Variants in POLE observed in about 807,000 individuals in gnomAD.
POLE encodes the protein DNA polymerase epsilon catalytic subunit A.
POLE carries 188 observed loss-of-function variants against 279.2 expected under a neutral mutation model. That is an observed-to-expected ratio of 0.67 (90% confidence interval 0.60 to 0.76). The LOEUF (loss-of-function observed/expected upper bound fraction) is 0.76. Ranked by LOEUF, POLE falls within the 30% of genes least tolerant of loss-of-function variation. The pLI is 0.00. For missense variants in POLE, 2,703 were observed against 3,016.7 expected (o/e 0.90, Z 2.44); for synonymous variants, 1,214 against 1,172.5 (o/e 1.04, Z -0.72).
chr12:132,635,603 G>A (rs552470346), intron 42 of POLE, among the ~76,000 whole-genome samples: 2 of 152,342 alleles, frequency 1.3e-5, no homozygotes, highest in African/African-American at 2.4e-5. Context: ...CCTTATGCTC[G>A]CACAACTATG....
chr12:132,686,003 G>T (rs545913164), intron 1 of POLE, among the ~76,000 whole-genome samples: 1 of 151,786 alleles, frequency 6.6e-6, no homozygotes, highest in Non-Finnish European at 1.5e-5. Context: ...AGCCTCCTGC[G>T]TAGCTGGGAT....
chr12:132,624,462 C>A lies in POLE; in HGVS notation c.*235G>T. The A allele has an allele frequency of 1.7e-6, 1 of 584,138 alleles. No individual in the cohort carries two copies. The highest frequency in any genetic ancestry group is 2.8e-5 in the East Asian group (1 of 35,286). The allele number at this position is 584,138 out of a possible 1,614,324, so 36.2% of individuals were successfully genotyped here. A position where few individuals can be genotyped will look rare whatever the true frequency, so the allele number is the denominator to read the frequency against. On this transcript the variant is annotated 3_prime_UTR_variant, in exon 49 of 49. Coordinates refer to ENST00000320574, the MANE Select transcript of POLE (RefSeq NM_006231.4). Reference sequence around the variant, plus strand: ...AGGGCACTCGCAGCCTCGCTCACGGCCTGCTTCTTCAGGTGCTCTGGCGAG... The same window carrying A: ...AGGGCACTCGCAGCCTCGCTCACGGACTGCTTCTTCAGGTGCTCTGGCGAG...
rs991583405 is a variant in POLE, at chr12:132,668,645, C to T, written c.2016G>A (p.Arg672=). The change falls in exon 18 of 49, where the codon AGG becomes AGA. Residue 672 remains arginine (R), a synonymous_variant. Coordinates refer to ENST00000320574, the MANE Select transcript of POLE (RefSeq NM_006231.4). This position sits in a 1 kb window ranked among gnomAD's most constrained non-coding sequence, Gnocchi z 4.0. ...NCQRKMAWQW[R]GEFMPASRSE... Reference sequence around the variant, plus strand: ...GCGGCCGACACTCACTGAACTCGCCCCTCCACTGCCAGGCCATCTTCCGCT... The same window carrying T: ...GCGGCCGACACTCACTGAACTCGCCTCTCCACTGCCAGGCCATCTTCCGCT... The T allele has an allele frequency of 1.2e-5, 20 of 1,612,560 alleles. No homozygotes were observed. The highest frequency in any genetic ancestry group is 1.5e-5 in the Non-Finnish European group (18 of 1,178,694).
Position 132,626,260 on chromosome 12 carries a change from G to A in POLE, c.6388C>T (p.Leu2130Phe), listed in dbSNP as rs1223862757. Residue 2130 changes from leucine to phenylalanine, a missense_variant, in exon 46 of 49, where the codon CTT (leucine) becomes TTT (phenylalanine). Leu to Phe is a conservative substitution (Grantham distance 22, BLOSUM62 0). This residue lies in a region of POLE where 1,551 missense variants were observed against 1,686.1 expected (regional missense o/e 0.92). Transcript: ENST00000320574. ...AACTCGCCGACATCCACCAGGCGAA[G>A]CAGGTCTCGGTTCAGCTTATTCACC... is the stretch of plus-strand genomic sequence containing the variant. ...NQVNKLNRDL[L>F]RLVDVGEFSE... The A allele has an allele frequency of 6.2e-7, 1 of 1,613,940 alleles. No individual in the cohort carries two copies.
chr12:132,650,220 C>T, intron 29 of POLE: 1 of 297,174 alleles, frequency 3.4e-6, no homozygotes, highest in Non-Finnish European at 6.4e-6. Flanking sequence ...AACAAGCAAA[C>T]AAAAATCTCA....
intron 16 of POLE, among the ~76,000 whole-genome samples, chr12:132,670,749 A>G (rs2042909797): frequency 6.6e-6 from 1 of 151,020 alleles, no homozygotes; most frequent in Non-Finnish European, 1.5e-5. Flanking sequence ...TCGGCCTCCC[A>G]AAGTGCTGGA....
chr12:132,668,334 G>A lies in POLE; in HGVS notation c.2173+22C>T, dbSNP rs774026882. ...GAGCAGGAGCCACATCTTTACAGCC[G>A]TGACCATGCCCAGGCACTCACCCGC... On this transcript the variant is annotated intron_variant, in intron 19 of 48. Transcript: ENST00000320574. This position sits in a 1 kb window ranked among gnomAD's most constrained non-coding sequence, Gnocchi z 4.0. The A allele has an allele frequency of 2.2e-5, 34 of 1,545,410 alleles. No individual in the cohort carries two copies. The highest frequency in any genetic ancestry group is 2.0e-4 in the Middle Eastern group (1 of 4,984).
intron 35 of POLE, 82 bp downstream of exon 35, chr12:132,643,142 G>A: frequency 7.3e-6 from 11 of 1,507,074 alleles, no homozygotes; most frequent in Middle Eastern, 1.8e-4. Flanking sequence ...AAGACCTGGA[G>A]GGCCTGGGCA....
chr12:132,668,743 A>G lies in POLE; in HGVS notation c.1924-6T>C, dbSNP rs755311168. 1.5e-5 allele frequency: 25 copies of G among 1,613,694 alleles called. No homozygotes were observed. The East Asian group carries it at 4.2e-4, about 27-fold the overall frequency. ...TCGTCCACCATGGCAGAGGGCTGGG[A>G]GGGGTGAGAAAGCACTTAGGGCTGG... On this transcript the variant is annotated splice_region_variant and splice_polypyrimidine_tract_variant and intron_variant, in intron 17 of 48. Transcript: ENST00000320574. The surrounding 1 kb of genome is among the most constrained non-coding windows in gnomAD (Gnocchi z 4.0).
intron 26 of POLE, chr12:132,658,373 C>T: frequency 5.5e-6 from 1 of 181,100 alleles, no homozygotes; most frequent in Non-Finnish European, 1.2e-5. Context: ...CATACATAAA[C>T]GCATGCGTGC....
At chr12:132,659,274 C>T (rs767565149) in intron 26 of POLE, 21 bp downstream of exon 26, 11 of 1,606,800 alleles carry the variant, frequency 6.8e-6, no homozygotes, top group East Asian at 4.5e-5. Flanking sequence ...CTCACCTCTC[C>T]GTGATGGGGG....
chr12:132,626,382 C>A (rs2138433039), intron 45 of POLE, 65 bp from the exon 46 acceptor site: 1 of 1,504,042 alleles, frequency 6.6e-7, no homozygotes, highest in Non-Finnish European at 9.2e-7. Context: ...CTGTCTGGAC[C>A]AGAACCCTCT....
At position 132,626,323 on chromosome 12, in the gene POLE, G is replaced by A; in HGVS notation, c.6331-6C>T. 6.2e-7 allele frequency: 1 copy of A among 1,613,446 alleles called. No homozygotes were observed. The highest frequency in any genetic ancestry group is 8.5e-7 in the Non-Finnish European group (1 of 1,180,002). ...TTGGTGTCCAGGGACAGCACCTGCA[G>A]AGACCACAGCCCACATCGGGAAGGA... is the stretch of plus-strand genomic sequence containing the variant. On this transcript the variant is annotated splice_polypyrimidine_tract_variant and splice_region_variant and intron_variant, in intron 45 of 48. Coordinates refer to ENST00000320574, the MANE Select transcript of POLE (RefSeq NM_006231.4).
rs1483311551 is a variant in POLE at position 132,624,959 on chromosome 12, G to A, written c.6693C>T (p.Ser2231=). The stretch of plus-strand genomic sequence containing the variant: ...CCGCGCAGCTGCAGTACACAGGCAT[G>A]CTGGTCTCCTTCACCCCGCGGCACT... ...CLKCRGVKET[S]MPVYCSCAGD... Residue 2231 remains serine, a synonymous_variant, in exon 48 of 49, where the codon AGC becomes AGT. Transcript: ENST00000320574. 3 of 1,614,060 alleles carry A rather than the reference G, an allele frequency of 1.9e-6. No homozygotes were observed. The highest frequency in any genetic ancestry group is 2.5e-6 in the Non-Finnish European group (3 of 1,180,000).
At chr12:132,625,166 T>C in intron 47 of POLE, 172 bp from the exon 48 acceptor site, 1 of 679,786 alleles carries the variant, frequency 1.5e-6, no homozygotes. Context: ...CATCCCACGG[T>C]GCCAGCGCCT....
intron 27 of POLE, 120 bp from the exon 28 acceptor site, chr12:132,657,549 T>C: frequency 1.2e-6 from 1 of 838,380 alleles, no homozygotes; most frequent in Non-Finnish European, 1.9e-6. Flanking sequence ...AGAAACTCTA[T>C]GATGAAAGGT....
At chr12:132,631,967 C>A (rs955408912) in intron 45 of POLE, among the ~76,000 whole-genome samples, 16 of 152,340 alleles carry the variant, frequency 1.1e-4, no homozygotes, top group Admixed American at 8.5e-4. Flanking sequence ...CAGGACCTTT[C>A]CTGTCTTGCT....
chr12:132,627,664 T>A (rs1184740030), intron 45 of POLE, among the ~76,000 whole-genome samples: 1 of 152,212 alleles, frequency 6.6e-6, no homozygotes, highest in African/African-American at 2.4e-5. Flanking sequence ...TAAAAAACAA[T>A]GTATGTACCT....
chr12:132,640,457 A>T (rs1215574798), intron 39 of POLE, among the ~76,000 whole-genome samples: 3 of 152,370 alleles, frequency 2.0e-5, no homozygotes, highest in Admixed American at 1.3e-4. Context: ...AAAAGCCACA[A>T]GGGCGTGTGC....
Sources: allele counts gnomAD v4.1 joint callset (sites outside exome capture counted in the v4.1 genomes callset), GRCh38; gene constraint gnomAD v4.1.1; regional missense constraint gnomAD v4.1.1; non-coding constraint Gnocchi (gnomAD v3.1); transcripts MANE v1.5; gene names NCBI Gene and HGNC (gene_info 2026-07-23, HGNC 2026-07-21).